Variants in VASH2 observed in about 807,000 individuals in gnomAD.
The protein encoded by VASH2 is vasohibin 2, also known as tubulinyl-Tyr carboxypeptidase 2.
A neutral mutation model predicts 37.2 loss-of-function variants in VASH2; 28 were observed. The ratio of observed to expected loss-of-function variants is 0.75; its 90% confidence interval spans 0.56 to 1.03. The LOEUF is 1.03. Ranked by LOEUF, VASH2 falls within the 50% of genes least tolerant of loss-of-function variation. The pLI is 0.00. For synonymous variants in VASH2, 188 were observed against 174.7 expected, an observed-to-expected ratio of 1.08 and a Z score of -0.60; for missense variants, 419 against 459.1, an observed-to-expected ratio of 0.91 and a Z score of 0.80.
At chr1:212,963,310 G>A (rs76566072) in intron 3 of VASH2, among the ~76,000 whole-genome samples, 3,568 of 152,244 alleles carry the variant, frequency 0.023, 124 homozygotes, top group African/African-American at 0.081. Flanking sequence ...AGCAGGCTGC[G>A]GGGACCTGCT....
chr1:212,959,754 G>C (rs933908112), intron 2 of VASH2, among the ~76,000 whole-genome samples: 11 of 152,226 alleles, frequency 7.2e-5, no homozygotes, highest in African/African-American at 2.4e-4. Context: ...TGCCTCTGCT[G>C]CCTGGCCTGG....
chr1:212,978,032 C>T (rs1303606754), intron 7 of VASH2, among the ~76,000 whole-genome samples: 1 of 152,190 alleles, frequency 6.6e-6, no homozygotes, highest in Non-Finnish European at 1.5e-5. Flanking sequence ...TTTAGGGGCT[C>T]AGCCTTGTCC....
intron 7 of VASH2, among the ~76,000 whole-genome samples, chr1:212,984,344 G>C (rs1043637949): frequency 1.3e-5 from 2 of 152,256 alleles, no homozygotes; most frequent in African/African-American, 4.8e-5. Context: ...GTGGCTTCTC[G>C]AGGAGGTGGC....
rs964960473 is a variant in VASH2 at position 212,991,025 on chromosome 1, G to A, written c.*2441G>A. 3.9e-5 allele frequency: 6 copies of A among 152,156 alleles called. No homozygotes were observed. Among genetic ancestry groups the A allele is most frequent in the South Asian group, 2.1e-4 (1 of 4,838 alleles). 9.4% of individuals were successfully genotyped at this position (152,156 alleles called of 1,614,324 possible). A position where few individuals can be genotyped will look rare whatever the true frequency, so the allele number is the denominator to read the frequency against. On this transcript the variant is annotated 3_prime_UTR_variant, in exon 8 of 8. Transcript: ENST00000517399. ...TAAAACTATGAAGTGATTTGAAATC[G>A]GTTTTAAAAAGTTGTTAGTGCAAGA...
At chr1:212,980,804 G>A (rs1032902566) in intron 7 of VASH2, among the ~76,000 whole-genome samples, 2 of 152,234 alleles carry the variant, frequency 1.3e-5, no homozygotes, top group Non-Finnish European at 2.9e-5. Context: ...GTGGAAAGTA[G>A]AGGGAAGCAA....
At chr1:212,984,940 T>C (rs1667434861) in intron 7 of VASH2, among the ~76,000 whole-genome samples, 1 of 152,178 alleles carries the variant, frequency 6.6e-6, no homozygotes, top group Non-Finnish European at 1.5e-5. Context: ...CACAGTAACC[T>C]TCCTCAGGTT....
In VASH2 at chr1:212,961,321, G is replaced by C. The variant is rs894376451; in HGVS notation, c.365+67G>C. ...CAGGCATGGTGATCGCAAGCCTGGT[G>C]GCAAATCTGTCCCCAGCTGGTCATC... is the stretch of plus-strand genomic sequence containing the variant. On this transcript the variant is annotated intron_variant, in intron 3 of 7. Transcript: ENST00000517399. 6 of 1,610,602 alleles carry C rather than the reference G, an allele frequency of 3.7e-6. No individual in the cohort carries two copies. In the Admixed American group the frequency reaches 1.0e-4, roughly 27 times the overall value.
At chr1:212,979,713 C>T (rs1263375467) in intron 7 of VASH2, among the ~76,000 whole-genome samples, 2 of 152,156 alleles carry the variant, frequency 1.3e-5, no homozygotes, top group South Asian at 4.1e-4. Context: ...TCCGCTGAGA[C>T]CAAGTTTCAA....
At chr1:212,962,845 G>C (rs1336952505) in intron 3 of VASH2, among the ~76,000 whole-genome samples, 1 of 152,206 alleles carries the variant, frequency 6.6e-6, no homozygotes, top group East Asian at 1.9e-4. Context: ...TGCATGGGGA[G>C]TTCCACATGG....
chr1:212,959,415 G>A (rs1666602861), intron 2 of VASH2, among the ~76,000 whole-genome samples: 1 of 148,402 alleles, frequency 6.7e-6, no homozygotes, highest in African/African-American at 2.6e-5. Context: ...CTGTGCCTGA[G>A]TGTGCACACA....
chr1:212,960,704 A>C (rs1238859713), intron 2 of VASH2, among the ~76,000 whole-genome samples: 1 of 152,136 alleles, frequency 6.6e-6, no homozygotes, highest in East Asian at 1.9e-4. Flanking sequence ...TTCACTTTAT[A>C]TTCTGTGTAA....
chr1:212,958,905 T>C (rs772870678), intron 2 of VASH2, among the ~76,000 whole-genome samples: 8 of 151,228 alleles, frequency 5.3e-5, no homozygotes, highest in South Asian at 4.2e-4. Flanking sequence ...TTCTTTCTTT[T>C]TTTTTTAGTG....
Position 212,951,759 on chromosome 1 carries a change from G to A in VASH2, c.217G>A (p.Val73Met). 5.6e-6 allele frequency: 9 copies of A among 1,608,914 alleles called. No individual in the cohort carries two copies. Among genetic ancestry groups the A allele is most frequent in the African/African-American group, 1.3e-5 (1 of 75,050 alleles). The stretch of plus-strand genomic sequence containing the variant: ...GCGCATGTGGATGCACGTGGCCAAG[G>A]TGCACCCTAAGGGGGGAGAAATGGT... ...WERMWMHVAK[V>M]HPKGGEMVGA... Residue 73 changes from valine (V) to methionine (M), a missense_variant, in exon 2 of 8, where the codon GTG becomes ATG. Transcript: ENST00000517399. This position sits in a 1 kb window ranked among gnomAD's most constrained non-coding sequence, Gnocchi z 4.4.
At chr1:212,970,630 C>T (rs1236962164) in intron 5 of VASH2, among the ~76,000 whole-genome samples, 1 of 152,198 alleles carries the variant, frequency 6.6e-6, no homozygotes, top group African/African-American at 2.4e-5. Context: ...TGGCTCATGC[C>T]TGTAATCCCA....
At chr1:212,987,136 T>C (rs1349364983) in intron 7 of VASH2, among the ~76,000 whole-genome samples, 3 of 152,222 alleles carry the variant, frequency 2.0e-5, no homozygotes, top group African/African-American at 2.4e-5. Flanking sequence ...TGTTGATTTC[T>C]AGTTCTATCA....
At chr1:212,969,196 T>TC (rs1392628152) in intron 5 of VASH2, 6 of 263,682 alleles carry the variant, frequency 2.3e-5, no homozygotes, top group South Asian at 1.8e-4. Flanking sequence ...TTCTTCTTCT[T>TC]TTTTTTTTTT....
Position 212,988,710 on chromosome 1 carries a change from G to A in VASH2, c.*126G>A, listed in dbSNP as rs2075824135. The stretch of plus-strand genomic sequence containing the variant: ...AATTTTATTTTTAAGGATTCACCTG[G>A]AAATAGAATCTGAGTGGGTGGTAAC... On this transcript the variant is annotated 3_prime_UTR_variant, in exon 8 of 8. Coordinates refer to ENST00000517399, the MANE Select transcript of VASH2 (RefSeq NM_001301056.2). The A allele has an allele frequency of 9.5e-7, 1 of 1,050,014 alleles. No individual in the cohort carries two copies. The highest frequency in any genetic ancestry group is 1.4e-6 in the Non-Finnish European group (1 of 701,954). The allele number at this position is 1,050,014 out of a possible 1,614,324, so 65.0% of individuals were successfully genotyped here.
At chr1:212,970,497 G>C (rs73084273) in intron 5 of VASH2, among the ~76,000 whole-genome samples, 5,473 of 151,866 alleles carry the variant, frequency 0.036, 310 homozygotes, top group African/African-American at 0.13. Flanking sequence ...ATTGTGTTTT[G>C]GTTTTTATTG....
intron 5 of VASH2, among the ~76,000 whole-genome samples, chr1:212,970,525 A>G (rs576622687): frequency 5.0e-4 from 75 of 151,338 alleles, no homozygotes; most frequent in Non-Finnish European, 7.9e-4. Flanking sequence ...ATATAACATA[A>G]TTTACCATTT....
Sources: gnomAD v4.1 joint callset for allele counts (sites outside exome capture counted in the v4.1 genomes callset) on GRCh38, gnomAD v4.1.1 for gene constraint, Gnocchi (gnomAD v3.1) non-coding constraint, MANE v1.5 for transcripts, NCBI Gene and HGNC (gene_info 2026-07-23, HGNC 2026-07-21) for gene names.